Variants in INPP5B observed in about 807,000 individuals in gnomAD.
INPP5B encodes inositol polyphosphate-5-phosphatase B.
A neutral mutation model predicts 118.5 loss-of-function variants in INPP5B; 90 were observed. The ratio of observed to expected loss-of-function variants is 0.76; its 90% CI spans 0.64 to 0.90. INPP5B has a LOEUF of 0.90. INPP5B is among the 40% of genes least tolerant of loss of function. The probability of loss-of-function intolerance (pLI) is 0.00; values close to 1 mark genes in which losing one functional copy is unlikely to be tolerated. For synonymous variants in INPP5B, 385 were observed against 418.9 expected, an observed-to-expected ratio of 0.92 and a Z score of 0.99; for missense variants, 984 against 1,125.6, an observed-to-expected ratio of 0.87 and a Z score of 1.80.
intron 8 of INPP5B, among the ~76,000 whole-genome samples, chr1:37,890,216 A>G (rs2148518798): frequency 6.6e-6 from 1 of 152,318 alleles, no homozygotes; most frequent in Middle Eastern, 3.4e-3. Context: ...CTCTACCAAA[A>G]ATACAAAAAT....
intron 16 of INPP5B, among the ~76,000 whole-genome samples, chr1:37,877,604 T>C (rs1002536323): frequency 3.9e-5 from 6 of 152,224 alleles, no homozygotes; most frequent in Admixed American, 2.6e-4. Flanking sequence ...GCTAATTTCA[T>C]CTCTAATAAT....
chr1:37,868,991 T>A (rs946737282), intron 19 of INPP5B, among the ~76,000 whole-genome samples: 1 of 152,146 alleles, frequency 6.6e-6, no homozygotes, highest in Non-Finnish European at 1.5e-5. Context: ...TCTTTTATTT[T>A]TTTTTATTTT....
intron 7 of INPP5B, among the ~76,000 whole-genome samples, chr1:37,910,961 C>T (rs1644675655): frequency 2.0e-5 from 3 of 152,266 alleles, no homozygotes; most frequent in Admixed American, 2.0e-4. Flanking sequence ...TAAAAAACAG[C>T]CCTAAAAGAT....
chr1:37,871,348 C>G (rs1358271038), intron 19 of INPP5B, among the ~76,000 whole-genome samples: 1 of 150,538 alleles, frequency 6.6e-6, no homozygotes, highest in African/African-American at 2.5e-5. Flanking sequence ...ATGCCAGCTA[C>G]TTGGGAGGCT....
chr1:37,906,869 AAAAAG>A (rs1644518845), intron 7 of INPP5B, among the ~76,000 whole-genome samples: 2 of 150,926 alleles, frequency 1.3e-5, no homozygotes, highest in Non-Finnish European at 2.9e-5. Flanking sequence ...CAAAAAAAAA[AAAAAG>A]AAAGAAAGAA....
chr1:37,870,077 A>T lies in INPP5B; in HGVS notation c.2188-1463T>A, dbSNP rs1289933842. 20 of 151,072 alleles carry T rather than the reference A, an allele frequency of 1.3e-4. No homozygotes were observed. The Admixed American group carries it at 1.3e-3, about 10-fold the overall frequency. 9.4% of individuals were successfully genotyped at this position (151,072 alleles called of 1,614,324 possible). ...ATCATTGACCTACCGATGATGATTT[A>T]AAAAAAAACAAAAGAATAATATCAT... On this transcript the variant is annotated intron_variant, in intron 19 of 23. Coordinates refer to ENST00000373024, the MANE Select transcript of INPP5B (RefSeq NM_005540.3).
In INPP5B at chr1:37,865,850, A is replaced by G. The variant is rs1301308593; in HGVS notation, c.2425T>C (p.Phe809Leu). Reference sequence around the variant, plus strand: ...ACAGGCTCTGGAAGGCTCTCCAGGAAAAGCAGCAGGGCTTCGGCTACAGAA... The same window carrying G: ...ACAGGCTCTGGAAGGCTCTCCAGGAGAAGCAGCAGGGCTTCGGCTACAGAA... ...NHSVAEALLL[F>L]LESLPEPVIC... is the part of the protein sequence containing the mutation. The change falls in exon 22 of 24, where the codon TTC becomes CTC. Residue 809 changes from phenylalanine (F) to leucine (L), a missense_variant. Physicochemically the swap from Phe to Leu is conservative, Grantham distance 22. This residue lies in a region of INPP5B where 634 missense variants were observed against 791.0 expected (regional missense o/e 0.80). Transcript: ENST00000373024. 1 of 1,613,604 alleles carries G rather than the reference A, an allele frequency of 6.2e-7. No homozygotes were observed. Among genetic ancestry groups the G allele is most frequent in the East Asian group, 2.2e-5 (1 of 44,872 alleles).
In INPP5B at chr1:37,880,082, T is replaced by C. The variant is rs1018530326; in HGVS notation, c.1541+3A>G. 4 of 1,598,138 alleles carry C rather than the reference T, an allele frequency of 2.5e-6. No homozygotes were observed. The highest frequency in any genetic ancestry group is 2.7e-5 in the African/African-American group (2 of 74,790). On this transcript the variant is annotated splice_donor_region_variant and intron_variant, in intron 15 of 23. Transcript: ENST00000373024. ...CAACCCTTTGAAGCAACCTCTGACC[T>C]ACCTGGTATCCCAGTCGTCAGAGCC...
intron 6 of INPP5B, among the ~76,000 whole-genome samples, chr1:37,937,421 C>A (rs1570396311): frequency 6.6e-6 from 1 of 152,278 alleles, no homozygotes; most frequent in Middle Eastern, 3.4e-3. Flanking sequence ...CACCTGAGGT[C>A]AGGAGTTCAA....
chr1:37,874,299 C>A, intron 17 of INPP5B, 144 bp from the exon 18 acceptor site: 1 of 522,180 alleles, frequency 1.9e-6, no homozygotes, highest in Non-Finnish European at 3.1e-6. Context: ...ACCTGGGAGG[C>A]CACAGTTCCC....
At chr1:37,876,338 T>C (rs987778523) in intron 16 of INPP5B, among the ~76,000 whole-genome samples, 1 of 151,284 alleles carries the variant, frequency 6.6e-6, no homozygotes, top group East Asian at 2.0e-4. Flanking sequence ...ACTCCTGAGC[T>C]CAAGCAATCC....
chr1:37,912,847 C>T (rs1400439905), intron 7 of INPP5B, among the ~76,000 whole-genome samples: 2 of 152,036 alleles, frequency 1.3e-5, no homozygotes, highest in African/African-American at 4.8e-5. Context: ...ATCAATCTCA[C>T]TCACTCTCTC....
chr1:37,925,482 T>A (rs1414063038), intron 7 of INPP5B, among the ~76,000 whole-genome samples: 4 of 152,180 alleles, frequency 2.6e-5, no homozygotes, highest in African/African-American at 9.7e-5. Context: ...CAAGCAAGAC[T>A]CCTGCCTCAG....
chr1:37,909,376 C>A (rs961718142), intron 7 of INPP5B, among the ~76,000 whole-genome samples: 2 of 152,120 alleles, frequency 1.3e-5, no homozygotes, highest in Admixed American at 6.6e-5. Flanking sequence ...TCTGCTCCCC[C>A]ACCCTATAAC....
chr1:37,925,711 C>T (rs999558103), intron 7 of INPP5B, among the ~76,000 whole-genome samples: 3 of 152,140 alleles, frequency 2.0e-5, no homozygotes, highest in Non-Finnish European at 4.4e-5. Context: ...TTGTGGGTCA[C>T]CTCACTTGCT....
At chr1:37,888,159 C>A (rs1643643778) in intron 10 of INPP5B, 84 bp downstream of exon 10, 1 of 789,252 alleles carries the variant, frequency 1.3e-6, no homozygotes, top group Non-Finnish European at 1.9e-6. Flanking sequence ...TTTTTCAAAT[C>A]CTTCACCTGT....
At chr1:37,863,387 C>T (rs748685080) in intron 23 of INPP5B, among the ~76,000 whole-genome samples, 10 of 151,878 alleles carry the variant, frequency 6.6e-5, no homozygotes, top group Non-Finnish European at 1.3e-4. Context: ...TGGTGGTGCG[C>T]GCCTGTAGTC....
intron 7 of INPP5B, among the ~76,000 whole-genome samples, chr1:37,925,709 C>T (rs1165670804): frequency 6.6e-6 from 1 of 152,146 alleles, no homozygotes; most frequent in African/African-American, 2.4e-5. Flanking sequence ...GTTTGTGGGT[C>T]ACCTCACTTG....
intron 7 of INPP5B, among the ~76,000 whole-genome samples, chr1:37,909,615 C>G (rs1644617192): frequency 6.6e-6 from 1 of 152,148 alleles, no homozygotes; most frequent in Non-Finnish European, 1.5e-5. Flanking sequence ...CGTTTGGCAA[C>G]AACCCTTAGA....
Sources: gnomAD v4.1 joint callset for allele counts (sites outside exome capture counted in the v4.1 genomes callset) on GRCh38, gnomAD v4.1.1 for gene constraint, gnomAD v4.1.1 regional missense constraint, MANE v1.5 for transcripts, NCBI Gene and HGNC (gene_info 2026-07-23, HGNC 2026-07-21) for gene names.